Variants in GALNT16 observed in about 807,000 individuals in gnomAD.
The protein encoded by GALNT16 is UDP-GalNAc:polypeptide N-acetylgalactosaminyltransferase-like protein 1.
In GALNT16, 40 loss-of-function variants were observed where a neutral mutation model predicts 76.1. That is an observed-to-expected ratio of 0.53 (90% CI 0.41 to 0.68). The LOEUF (loss-of-function observed/expected upper bound fraction) is 0.68. Among genes scored for constraint, GALNT16 ranks in the 30% least tolerant of loss-of-function variants. The pLI is 0.00. For missense variants in GALNT16, 621 were observed against 731.9 expected, an observed-to-expected ratio of 0.85 and a Z score of 1.75; for synonymous variants, 276 against 285.2, an observed-to-expected ratio of 0.97 and a Z score of 0.32.
the GALNT16 span, among the ~76,000 whole-genome samples, chr14:69,370,616 G>A: frequency 6.6e-6 from 1 of 152,090 alleles, no homozygotes; most frequent in Non-Finnish European, 1.5e-5. Flanking sequence ...CCACCACCCA[G>A]GTTATCAATT....
At chr14:69,293,896 CTT>C (rs879765693) in intron 1 of GALNT16, among the ~76,000 whole-genome samples, 1 of 146,352 alleles carries the variant, frequency 6.8e-6, no homozygotes. Context: ...AGAACCCATA[CTT>C]TTTTTTTTTT....
chr14:69,356,738 TA>T (rs1437211036), downstream of GALNT16: 1 of 151,850 alleles, frequency 6.6e-6, no homozygotes, highest in Non-Finnish European at 1.5e-5. Context: ...TTTGTATTTT[TA>T]GTAGAGACAG....
chr14:69,280,793 A>G (rs2044530458), intron 1 of GALNT16, among the ~76,000 whole-genome samples: 1 of 152,090 alleles, frequency 6.6e-6, no homozygotes, highest in South Asian at 2.1e-4. Flanking sequence ...ATTCGAATCC[A>G]GAGGGCAACT....
At chr14:69,283,273 C>T (rs775876426) in intron 1 of GALNT16, among the ~76,000 whole-genome samples, 4 of 152,184 alleles carry the variant, frequency 2.6e-5, no homozygotes, top group East Asian at 1.9e-4. Context: ...GTTCCTTGAG[C>T]GCATCAGGGA....
intron 1 of GALNT16, among the ~76,000 whole-genome samples, chr14:69,276,340 T>G (rs2044470864): frequency 6.6e-6 from 1 of 152,208 alleles, no homozygotes; most frequent in Non-Finnish European, 1.5e-5. Context: ...AATGTTTTGT[T>G]TCTGTTGTTT....
intron 1 of GALNT16, among the ~76,000 whole-genome samples, chr14:69,281,694 A>C (rs1046202006): frequency 6.6e-6 from 1 of 152,164 alleles, no homozygotes; most frequent in Admixed American, 6.5e-5. Flanking sequence ...CCCAAGGAGA[A>C]GTGGCTTGTT....
the GALNT16 span, among the ~76,000 whole-genome samples, chr14:69,374,206 T>C: frequency 2.6e-5 from 4 of 152,218 alleles, no homozygotes; most frequent in Admixed American, 2.0e-4. Flanking sequence ...CATCATTCAC[T>C]TGCCTTAATG....
At chr14:69,334,847 C>T (rs1446822430) in intron 9 of GALNT16, among the ~76,000 whole-genome samples, 2 of 152,132 alleles carry the variant, frequency 1.3e-5, no homozygotes, top group Admixed American at 6.5e-5. Context: ...GAGACGGGGG[C>T]GGTGGGGAGC....
intron 1 of GALNT16, among the ~76,000 whole-genome samples, chr14:69,289,856 C>A (rs1321496269): frequency 6.6e-6 from 1 of 152,102 alleles, no homozygotes; most frequent in African/African-American, 2.4e-5. Context: ...GCCTCAACTT[C>A]CCGAATAGCT....
chr14:69,368,489 A>G, the GALNT16 span, among the ~76,000 whole-genome samples: 1 of 152,144 alleles, frequency 6.6e-6, no homozygotes, highest in Admixed American at 6.5e-5. Flanking sequence ...GCAGCTGGCT[A>G]CCCTTGGAAC....
chr14:69,269,262 A>C (rs1440417401), intron 1 of GALNT16, among the ~76,000 whole-genome samples: 3 of 151,864 alleles, frequency 2.0e-5, no homozygotes, highest in Non-Finnish European at 4.4e-5. Context: ...ATGTGGGATC[A>C]ATGTGTGTTG....
chr14:69,343,447 G>A (rs1319201439), intron 12 of GALNT16, among the ~76,000 whole-genome samples: 2 of 152,234 alleles, frequency 1.3e-5, no homozygotes, highest in Non-Finnish European at 2.9e-5. Context: ...TTTCCAAGAA[G>A]TTCCAGAACA....
chr14:69,303,169 C>T (rs2044878667), intron 1 of GALNT16, among the ~76,000 whole-genome samples: 1 of 152,132 alleles, frequency 6.6e-6, no homozygotes, highest in African/African-American at 2.4e-5. Context: ...AGAAATGTAC[C>T]TTCCACAGCT....
Position 69,352,166 on chromosome 14 carries a change from T to A in GALNT16, c.1675T>A (p.Ter559ArgextTer2), listed in dbSNP as rs1356797302. Residue 559 changes from the stop codon to arginine (R), a stop_lost, in exon 15 of 15, where the codon TGA (stop) becomes AGA (arginine). Coordinates refer to ENST00000448469, the MANE Select transcript of GALNT16 (RefSeq NM_001168368.2). ...AQQWQLLPHT[*>R] The stretch of plus-strand genomic sequence containing the variant: ...GCAGTGGCAGCTGTTGCCACACACA[T>A]GACGGTAGCCCTGGGGCCTCCTGTA... 6.2e-7 allele frequency: 1 copy of A among 1,609,316 alleles called. No homozygotes were observed.
At chr14:69,291,718 G>T (rs2044689547) in intron 1 of GALNT16, among the ~76,000 whole-genome samples, 2 of 152,174 alleles carry the variant, frequency 1.3e-5, no homozygotes, top group African/African-American at 4.8e-5. Flanking sequence ...CCACCCCCTG[G>T]ACTTCAGTCC....
At chr14:69,291,088 C>T (rs900641019) in intron 1 of GALNT16, among the ~76,000 whole-genome samples, 1 of 152,088 alleles carries the variant, frequency 6.6e-6, no homozygotes, top group African/African-American at 2.4e-5. Flanking sequence ...GCCAGGAGTT[C>T]GAGACCAGCC....
chr14:69,384,943 T>C, the GALNT16 span, among the ~76,000 whole-genome samples: 1 of 152,196 alleles, frequency 6.6e-6, no homozygotes, highest in African/African-American at 2.4e-5. Context: ...GCCAGATCCC[T>C]AGACCTTGTC....
intron 12 of GALNT16, among the ~76,000 whole-genome samples, chr14:69,344,301 C>T (rs2045534576): frequency 6.6e-6 from 1 of 152,266 alleles, no homozygotes; most frequent in Admixed American, 6.5e-5. Flanking sequence ...TGCACAAGCA[C>T]ACCATGTTTG....
intron 1 of GALNT16, among the ~76,000 whole-genome samples, chr14:69,278,530 A>G (rs891718816): frequency 6.6e-6 from 1 of 152,090 alleles, no homozygotes; most frequent in Admixed American, 6.5e-5. Flanking sequence ...TATCACGAAT[A>G]CTCTTCTGTA....
Sources: gnomAD v4.1 joint callset for allele counts (sites outside exome capture counted in the v4.1 genomes callset) on GRCh38, gnomAD v4.1.1 for gene constraint, MANE v1.5 for transcripts, NCBI Gene and HGNC (gene_info 2026-07-23, HGNC 2026-07-21) for gene names.